ZNF385D: variants seen among roughly 807,000 people sequenced by gnomAD.
ZNF385D encodes the protein zinc finger protein 385D.
ZNF385D carries 15 observed loss-of-function variants against 35.8 expected under a neutral mutation model. That is an observed-to-expected ratio of 0.42 (90% CI 0.28 to 0.64). The LOEUF (loss-of-function observed/expected upper bound fraction) is 0.64, where lower values mean the gene tolerates loss of function less well. Among genes scored for constraint, ZNF385D ranks in the 30% least tolerant of loss-of-function variants. ZNF385D has a pLI of 0.23. For synonymous variants in ZNF385D, 212 were observed against 186.8 expected (o/e 1.13, Z -1.10); for missense variants, 474 against 494.6 (o/e 0.96, Z 0.39).
intron 4 of ZNF385D, among the ~76,000 whole-genome samples, chr3:21,459,097 T>G (rs570162969): frequency 6.6e-6 from 1 of 152,122 alleles, no homozygotes; most frequent in Admixed American, 6.5e-5. Flanking sequence ...TATGAAATGT[T>G]AACTCATATG....
At chr3:22,202,826 A>G (rs1305288621) in intron 2 of ZNF385D, among the ~76,000 whole-genome samples, 6 of 152,134 alleles carry the variant, frequency 3.9e-5, no homozygotes, top group African/African-American at 1.4e-4. Context: ...TCTGGTGCCT[A>G]TAAAGGGAGC....
chr3:21,971,517 C>A (rs1373862784), intron 3 of ZNF385D, among the ~76,000 whole-genome samples: 1 of 151,458 alleles, frequency 6.6e-6, no homozygotes, highest in East Asian at 1.9e-4. Flanking sequence ...AAATATACCA[C>A]TAGTGAAAAT....
intron 2 of ZNF385D, among the ~76,000 whole-genome samples, chr3:22,281,466 A>T (rs1228890958): frequency 6.6e-6 from 1 of 152,038 alleles, no homozygotes; most frequent in Non-Finnish European, 1.5e-5. Context: ...ATTTTGTCAA[A>T]GGCTTTTTCT....
intron 3 of ZNF385D, among the ~76,000 whole-genome samples, chr3:21,897,836 G>C (rs1337420171): frequency 6.6e-6 from 1 of 152,104 alleles, no homozygotes; most frequent in African/African-American, 2.4e-5. Context: ...CCAAGACTGA[G>C]ACTGGAGTCT....
intron 3 of ZNF385D, among the ~76,000 whole-genome samples, chr3:22,043,424 G>A (rs1698794012): frequency 6.6e-6 from 1 of 152,056 alleles, no homozygotes; most frequent in African/African-American, 2.4e-5. Context: ...AAACTGAGTT[G>A]CATTTTAAAC....
Position 22,019,052 on chromosome 3 carries a change from T to C in ZNF385D, c.325+149765A>G, listed in dbSNP as rs1697066959. On this transcript the variant is annotated intron_variant, in intron 3 of 5. Coordinates refer to the ZNF385D transcript ENST00000494108. ...TATTTACCTTTTTTTTTTTTTTTTT[T>C]TTTTTTTTTTTTTTTATGAAGGAGG... Among the ~76,000 whole-genome samples the C allele has an allele frequency of 1.5e-5, 2 of 133,982 alleles. 1 individual carries two copies. Among genetic ancestry groups the C allele is most frequent in the Non-Finnish European group, 3.2e-5 (2 of 62,874 alleles). 87.9% of individuals were successfully genotyped at this position (133,982 alleles called of 152,430 possible).
At chr3:22,255,973 T>C (rs1700294036) in intron 2 of ZNF385D, among the ~76,000 whole-genome samples, 1 of 151,664 alleles carries the variant, frequency 6.6e-6, no homozygotes, top group Non-Finnish European at 1.5e-5. Context: ...TCACCCTTAA[T>C]CTGGTTGTGC....
chr3:21,958,531 C>T (rs1177765847), intron 3 of ZNF385D, among the ~76,000 whole-genome samples: 1 of 152,042 alleles, frequency 6.6e-6, no homozygotes, highest in Non-Finnish European at 1.5e-5. Flanking sequence ...TTGTTGATAT[C>T]ACTCTTATTT....
chr3:21,616,121 A>T (rs761273818), intron 2 of ZNF385D, among the ~76,000 whole-genome samples: 2 of 152,188 alleles, frequency 1.3e-5, no homozygotes, highest in Non-Finnish European at 2.9e-5. Context: ...TCCCCTTAAG[A>T]TTAAAAGAAT....
chr3:22,078,856 T>C (rs187372600), intron 3 of ZNF385D, among the ~76,000 whole-genome samples: 2 of 152,220 alleles, frequency 1.3e-5, no homozygotes, highest in Admixed American at 1.3e-4. Context: ...ATACTGTGCA[T>C]ACAGACTCTT....
intron 3 of ZNF385D, among the ~76,000 whole-genome samples, chr3:21,526,026 T>C (rs2125517012): frequency 6.6e-6 from 1 of 152,270 alleles, no homozygotes; most frequent in African/African-American, 2.4e-5. Context: ...CTTATTCTGT[T>C]ACTGGTAAGT....
intron 2 of ZNF385D, among the ~76,000 whole-genome samples, chr3:21,584,870 A>G (rs1026881294): frequency 6.6e-6 from 1 of 152,122 alleles, no homozygotes; most frequent in African/African-American, 2.4e-5. Context: ...TATTCCATGC[A>G]CTTCATGTAC....
At chr3:22,258,792 T>TA (rs535393471) in intron 2 of ZNF385D, among the ~76,000 whole-genome samples, 71 of 151,934 alleles carry the variant, frequency 4.7e-4, no homozygotes, top group Admixed American at 1.8e-3. Flanking sequence ...ACATGTTTTA[T>TA]AAAAAATACT....
At chr3:21,892,181 C>T (rs1559729219) in intron 3 of ZNF385D, among the ~76,000 whole-genome samples, 1 of 152,112 alleles carries the variant, frequency 6.6e-6, no homozygotes, top group Non-Finnish European at 1.5e-5. Flanking sequence ...CAAATGAAAT[C>T]TTATTTTTAT....
intron 2 of ZNF385D, among the ~76,000 whole-genome samples, chr3:21,648,118 A>T (rs746396353): frequency 2.6e-5 from 4 of 152,130 alleles, no homozygotes; most frequent in Non-Finnish European, 1.5e-5. Context: ...GTCATCTCGA[A>T]TTGTAATCCC....
chr3:21,790,548 T>G (rs773822077), intron 3 of ZNF385D, among the ~76,000 whole-genome samples: 1 of 152,184 alleles, frequency 6.6e-6, no homozygotes, highest in Non-Finnish European at 1.5e-5. Flanking sequence ...GAAGAAAATG[T>G]CATTCCTTTA....
intron 2 of ZNF385D, among the ~76,000 whole-genome samples, chr3:22,227,908 T>A (rs1698656301): frequency 6.6e-6 from 1 of 152,102 alleles, no homozygotes; most frequent in Non-Finnish European, 1.5e-5. Context: ...CTGCAAGGAG[T>A]ACCTCTGCTG....
rs552417832 is a variant in ZNF385D, at chr3:21,683,464, A to C, written c.23-18436T>G. 2.0e-5 allele frequency among the ~76,000 whole-genome samples: 3 copies of C among 149,628 alleles called. 1 individual carries two copies. Among genetic ancestry groups the C allele is most frequent in the African/African-American group, 7.4e-5 (3 of 40,634 alleles). On this transcript the variant is annotated intron_variant, in intron 1 of 7. Coordinates refer to ENST00000281523, the MANE Select transcript of ZNF385D (RefSeq NM_024697.3). ...AAACTCCGTCTCTACTAAAAATACAAAAAATTAGCTGGTCACGGTGTTGTG... is the reference window on the plus strand; with the variant it reads ...AAACTCCGTCTCTACTAAAAATACACAAAATTAGCTGGTCACGGTGTTGTG...
rs1185859999 is a variant in ZNF385D at position 22,229,610 on chromosome 3, T to C, written c.107-60575A>G. Among the ~76,000 whole-genome samples the C allele has an allele frequency of 3.9e-5, 6 of 152,326 alleles. No individual in the cohort carries two copies. The East Asian group carries it at 1.2e-3, about 29-fold the overall frequency. ...TTAGAAGTTATTTCCTCACAGCCATTTGTAAGCCTCTTCCTGTATGCTGTC... is the reference window on the plus strand; with the variant it reads ...TTAGAAGTTATTTCCTCACAGCCATCTGTAAGCCTCTTCCTGTATGCTGTC... On this transcript the variant is annotated intron_variant, in intron 2 of 5. Coordinates refer to the ZNF385D transcript ENST00000494108.
Sources: gnomAD v4.1 joint callset for allele counts (sites outside exome capture counted in the v4.1 genomes callset) on GRCh38, gnomAD v4.1.1 for gene constraint, MANE v1.5 for transcripts, NCBI Gene and HGNC (gene_info 2026-07-23, HGNC 2026-07-21) for gene names.